The following XKR6 variants were observed in gnomAD, a reference collection of about 807,000 sequenced individuals.
XKR6 encodes XK-related protein 6.
In XKR6, 22 loss-of-function variants were observed where a neutral mutation model predicts 56.7. The ratio of observed to expected loss-of-function variants is 0.39; its 90% confidence interval spans 0.28 to 0.55. The LOEUF is 0.55. Ranked by LOEUF, XKR6 falls within the 20% of genes least tolerant of loss-of-function variation. The probability of loss-of-function intolerance (pLI) is 0.66; values close to 1 mark genes in which losing one functional copy is unlikely to be tolerated. For synonymous variants in XKR6, 524 were observed against 387.8 expected (o/e 1.35, Z -4.13); for missense variants, 852 against 889.0 (o/e 0.96, Z 0.53).
In XKR6 at chr8:10,898,993, G is replaced by C. The variant is rs1799963851; in HGVS notation, c.962-77C>G. 6.6e-7 allele frequency: 1 copy of C among 1,511,840 alleles called. No individual in the cohort carries two copies. The allele number at this position is 1,511,840 out of a possible 1,614,324, so 93.7% of individuals were successfully genotyped here. ...GGGCACAGTGAAGCTGCCGGCTGAGGAGACGCCCACATACACCACGATCTA... is the reference window on the plus strand; with the variant it reads ...GGGCACAGTGAAGCTGCCGGCTGAGCAGACGCCCACATACACCACGATCTA... On this transcript the variant is annotated intron_variant, in intron 2 of 2. Transcript: ENST00000416569. This position sits in a 1 kb window ranked among gnomAD's most constrained non-coding sequence, Gnocchi z 6.6.
intron 1 of XKR6, among the ~76,000 whole-genome samples, chr8:11,057,930 T>C (rs1207957931): frequency 6.6e-6 from 1 of 152,246 alleles, no homozygotes; most frequent in East Asian, 1.9e-4. Flanking sequence ...GAGTGCTTGT[T>C]AAATGAAGGA....
At chr8:11,195,749 C>A (rs1261465701) in intron 1 of XKR6, among the ~76,000 whole-genome samples, 1 of 151,102 alleles carries the variant, frequency 6.6e-6, no homozygotes, top group Non-Finnish European at 1.5e-5. Flanking sequence ...CCCGGGTTGA[C>A]GCCATTCTCC....
chr8:11,081,281 A>G (rs1797713869), intron 1 of XKR6, among the ~76,000 whole-genome samples: 1 of 152,232 alleles, frequency 6.6e-6, no homozygotes, highest in African/African-American at 2.4e-5. Flanking sequence ...TCGGCTTCCT[A>G]ATGCATTAAA....
In XKR6 at chr8:10,924,010, C is replaced by G. The variant is rs558313593; in HGVS notation, c.961+624G>C. Among the ~76,000 whole-genome samples the G allele has an allele frequency of 2.0e-5, 3 of 152,348 alleles. No homozygotes were observed. The South Asian group carries it at 6.2e-4, about 32-fold the overall frequency. On this transcript the variant is annotated intron_variant, in intron 2 of 2. Coordinates refer to ENST00000416569, the MANE Select transcript of XKR6 (RefSeq NM_173683.4). ...TCTCACTTGTTGAATGGATAAGCAT[C>G]TCCCTGCAACTTCTACACTTTGGGA...
intron 1 of XKR6, among the ~76,000 whole-genome samples, chr8:10,965,648 G>A (rs1802198799): frequency 6.6e-6 from 1 of 152,232 alleles, no homozygotes; most frequent in African/African-American, 2.4e-5. Context: ...TTGGGAGAAT[G>A]AAGGCTTGGT....
intron 1 of XKR6, among the ~76,000 whole-genome samples, chr8:10,940,012 T>C (rs1338084195): frequency 6.6e-6 from 1 of 151,914 alleles, no homozygotes; most frequent in Non-Finnish European, 1.5e-5. Flanking sequence ...GCACCTGGAG[T>C]GTTTGCGAGA....
chr8:10,913,218 T>C (rs1800461154), intron 2 of XKR6, among the ~76,000 whole-genome samples: 1 of 151,948 alleles, frequency 6.6e-6, no homozygotes, highest in South Asian at 2.1e-4. Flanking sequence ...ACATTGTTCA[T>C]ATACTTGTTC....
intron 1 of XKR6, among the ~76,000 whole-genome samples, chr8:11,134,886 A>C (rs1037384808): frequency 6.6e-5 from 10 of 152,146 alleles, no homozygotes; most frequent in African/African-American, 2.4e-4. Context: ...CTATACAACC[A>C]TAGAAAATTA....
At chr8:11,010,625 A>C (rs561660621) in intron 1 of XKR6, among the ~76,000 whole-genome samples, 244 of 152,342 alleles carry the variant, frequency 1.6e-3, no homozygotes, top group African/African-American at 5.7e-3. Flanking sequence ...AACAAATAAC[A>C]ACCAGTCAAT....
intron 1 of XKR6, among the ~76,000 whole-genome samples, chr8:11,126,235 A>T (rs1358798249): frequency 1.3e-5 from 2 of 151,748 alleles, no homozygotes; most frequent in Non-Finnish European, 2.9e-5. Flanking sequence ...CGCCCGGCTA[A>T]TTTTTGTATT....
intron 1 of XKR6, among the ~76,000 whole-genome samples, chr8:11,149,336 T>C (rs1481757162): frequency 6.6e-6 from 1 of 152,236 alleles, no homozygotes; most frequent in Admixed American, 6.5e-5. Context: ...AAATGGTAAG[T>C]ATTTGTTTAA....
chr8:10,984,100 G>A (rs1363534794), intron 1 of XKR6, among the ~76,000 whole-genome samples: 2 of 152,122 alleles, frequency 1.3e-5, no homozygotes, highest in Non-Finnish European at 2.9e-5. Flanking sequence ...AGCACAGCAA[G>A]AGAATGACAT....
intron 1 of XKR6, among the ~76,000 whole-genome samples, chr8:10,992,073 C>T (rs1798006160): frequency 6.6e-6 from 1 of 152,158 alleles, no homozygotes; most frequent in East Asian, 1.9e-4. Flanking sequence ...TGCCGCCAGG[C>T]CTCCACAGTC....
chr8:10,929,669 T>C (rs1192656919), intron 1 of XKR6, among the ~76,000 whole-genome samples: 2 of 152,240 alleles, frequency 1.3e-5, no homozygotes, highest in Admixed American at 1.3e-4. Flanking sequence ...ATGTATAAAA[T>C]GCCTAGACCA....
intron 1 of XKR6, among the ~76,000 whole-genome samples, chr8:10,983,214 T>C (rs1019444190): frequency 1.3e-5 from 2 of 152,102 alleles, no homozygotes; most frequent in African/African-American, 4.8e-5. Context: ...ATGTTTTAAA[T>C]GTAGAAGTGA....
chr8:10,903,515 C>CA (rs1254676718), intron 2 of XKR6, among the ~76,000 whole-genome samples: 1 of 152,132 alleles, frequency 6.6e-6, no homozygotes, highest in Non-Finnish European at 1.5e-5. Context: ...GTCCCCCCCA[C>CA]AAAATCCATA....
chr8:10,928,011 A>T (rs114613408), intron 1 of XKR6, among the ~76,000 whole-genome samples: 1 of 152,016 alleles, frequency 6.6e-6, no homozygotes, highest in Non-Finnish European at 1.5e-5. Flanking sequence ...ATCCTTTCCA[A>T]CTGCTCCCGG....
intron 1 of XKR6, among the ~76,000 whole-genome samples, chr8:11,139,534 G>A (rs927638318): frequency 2.6e-5 from 4 of 152,090 alleles, no homozygotes; most frequent in African/African-American, 7.2e-5. Flanking sequence ...AGTGCAGTCC[G>A]AGGGACTAGA....
chr8:11,077,856 T>C (rs4545055), intron 1 of XKR6, among the ~76,000 whole-genome samples: 85,101 of 151,588 alleles, frequency 0.56, 26,586 homozygotes, highest in African/African-American at 0.82. Flanking sequence ...GACCCTGGCA[T>C]GATCATCAGA....
Sources: allele counts gnomAD v4.1 joint callset (sites outside exome capture counted in the v4.1 genomes callset), GRCh38; gene constraint gnomAD v4.1.1; non-coding constraint Gnocchi (gnomAD v3.1); transcripts MANE v1.5; gene names NCBI Gene and HGNC (gene_info 2026-07-23, HGNC 2026-07-21).